Variants in TRPS1 observed in about 807,000 individuals in gnomAD.
The protein encoded by TRPS1 is transcriptional repressor GATA binding 1, also known as zinc finger transcription factor Trps1.
TRPS1 carries 6 observed loss-of-function variants against 101.2 expected under a neutral mutation model. The ratio of observed to expected loss-of-function variants is 0.06; its 90% CI spans 0.03 to 0.12. TRPS1 has a LOEUF of 0.12. Ranked by LOEUF, TRPS1 falls within the 10% of genes least tolerant of loss-of-function variation. The pLI is 1.00. For synonymous variants in TRPS1, 578 were observed against 589.8 expected (o/e 0.98, Z 0.29); for missense variants, 1,363 against 1,567.0 (o/e 0.87, Z 2.20).
At chr8:115,637,297 C>T (rs2130576652) in intron 1 of TRPS1, 1 of 985,250 alleles carries the variant, frequency 1.0e-6, no homozygotes, top group Non-Finnish European at 1.2e-6. Context: ...TGAGGCTGGA[C>T]CACTTGGAGA....
chr8:115,554,348 T>C (rs1816769691), intron 5 of TRPS1, among the ~76,000 whole-genome samples: 1 of 152,126 alleles, frequency 6.6e-6, no homozygotes, highest in African/African-American at 2.4e-5. Flanking sequence ...CAGTCAGACA[T>C]CCAGGCCCTA....
chr8:115,632,494 GCACA>G (rs150875542), intron 1 of TRPS1, among the ~76,000 whole-genome samples: 2 of 150,990 alleles, frequency 1.3e-5, no homozygotes, highest in African/African-American at 2.4e-5. Flanking sequence ...AAACACACGT[GCACA>G]CACACACACA....
chr8:115,508,403 T>C (rs895562082), intron 5 of TRPS1, among the ~76,000 whole-genome samples: 2 of 152,112 alleles, frequency 1.3e-5, no homozygotes, highest in Non-Finnish European at 2.9e-5. Flanking sequence ...CTACATTTCC[T>C]GTCAAATATT....
intron 1 of TRPS1, among the ~76,000 whole-genome samples, chr8:115,665,714 C>A (rs1295510481): frequency 6.6e-6 from 1 of 152,138 alleles, no homozygotes; most frequent in African/African-American, 2.4e-5. Flanking sequence ...TCAGACTTCA[C>A]AGCTATTATG....
At chr8:115,454,690 A>G (rs1813970666) in intron 5 of TRPS1, among the ~76,000 whole-genome samples, 1 of 152,174 alleles carries the variant, frequency 6.6e-6, no homozygotes, top group African/African-American at 2.4e-5. Flanking sequence ...AATTCATAGA[A>G]TTATTTTGAA....
intron 5 of TRPS1, among the ~76,000 whole-genome samples, chr8:115,435,816 T>C (rs1813433369): frequency 2.0e-5 from 3 of 152,312 alleles, no homozygotes; most frequent in African/African-American, 7.2e-5. Context: ...AAACGTCTTA[T>C]TACTTTAAAT....
chr8:115,573,968 TGATC>T, intron 5 of TRPS1, among the ~76,000 whole-genome samples: 1 of 152,190 alleles, frequency 6.6e-6, no homozygotes, highest in South Asian at 2.1e-4. Context: ...CAACACAATG[TGATC>T]TGTTCCTCTT....
chr8:115,546,720 T>C (rs1015025924), intron 5 of TRPS1, among the ~76,000 whole-genome samples: 4 of 152,270 alleles, frequency 2.6e-5, no homozygotes, highest in African/African-American at 9.6e-5. Flanking sequence ...AAGTACCTAA[T>C]ATAAGCAGAC....
intron 5 of TRPS1, among the ~76,000 whole-genome samples, chr8:115,575,201 A>G (rs1817289640): frequency 6.6e-6 from 1 of 152,152 alleles, no homozygotes; most frequent in Non-Finnish European, 1.5e-5. Flanking sequence ...AAATAGAAAT[A>G]AATGTCCAAC....
At chr8:115,515,595 TG>T (rs5894266) in intron 5 of TRPS1, among the ~76,000 whole-genome samples, 151,500 of 151,502 alleles carry the variant, frequency 1, 75,749 homozygotes, top group Middle Eastern at 1. Flanking sequence ...AAAAAATTTT[TG>T]GTAATTGTAA....
At chr8:115,597,906 C>A (rs1563632148) in intron 4 of TRPS1, among the ~76,000 whole-genome samples, 1 of 152,076 alleles carries the variant, frequency 6.6e-6, no homozygotes, top group Non-Finnish European at 1.5e-5. Flanking sequence ...ATAACTAAGT[C>A]TATTCTTTTC....
At chr8:115,480,516 G>A (rs927924137) in intron 5 of TRPS1, among the ~76,000 whole-genome samples, 1 of 152,016 alleles carries the variant, frequency 6.6e-6, no homozygotes, top group African/African-American at 2.4e-5. Flanking sequence ...TCTTAGGTAT[G>A]TGGAATTTTT....
Position 115,535,144 on chromosome 8 carries a change from ATATAGCATATG to A in TRPS1, c.2700+51846_2700+51856del, listed in dbSNP as rs1204923735. On this transcript the variant is annotated intron_variant, in intron 5 of 6. Coordinates refer to ENST00000395715, the MANE Select transcript of TRPS1 (RefSeq NM_014112.5). ...TATGTATAGCATATATATAGCATAT[ATATAGCATATG>A]TATAGCATATGTATTGCATATATAG... Among the ~76,000 whole-genome samples, 11 of 27,698 alleles carry A rather than the reference ATATAGCATATG, an allele frequency of 4.0e-4. 1 individual carries two copies. Among genetic ancestry groups the A allele is most frequent in the South Asian group, 1.2e-3 (1 of 848 alleles). The allele number at this position is 27,698 out of a possible 152,430, so 18.2% of individuals were successfully genotyped here. A position where few individuals can be genotyped will look rare whatever the true frequency, so the allele number is the denominator to read the frequency against.
chr8:115,560,944 T>C (rs16887541), intron 5 of TRPS1, among the ~76,000 whole-genome samples: 7,708 of 152,184 alleles, frequency 0.051, 709 homozygotes, highest in African/African-American at 0.18. Context: ...ATTTTAACGT[T>C]AACATTCTCC....
chr8:115,499,915 A>ATTTCTTTCTTTCTTTCTTTC (rs373053040), intron 5 of TRPS1, among the ~76,000 whole-genome samples: 26 of 134,878 alleles, frequency 1.9e-4, no homozygotes, highest in African/African-American at 3.9e-4. Flanking sequence ...AAAGTGCTAA[A>ATTTCTTTCTTTCTTTCTTTC]TTTCTTTCTT....
chr8:115,638,121 T>C (rs1818811743), intron 1 of TRPS1, among the ~76,000 whole-genome samples: 1 of 152,192 alleles, frequency 6.6e-6, no homozygotes, highest in African/African-American at 2.4e-5. Context: ...CCAGGAAGGC[T>C]TCAACACAAC....
intron 5 of TRPS1, among the ~76,000 whole-genome samples, chr8:115,566,550 C>T (rs1315683340): frequency 6.6e-6 from 1 of 151,446 alleles, no homozygotes; most frequent in Non-Finnish European, 1.5e-5. Context: ...TTGTAGCCAG[C>T]TGGTATTCCT....
intron 5 of TRPS1, among the ~76,000 whole-genome samples, chr8:115,466,791 G>A (rs990888351): frequency 1.3e-5 from 2 of 152,058 alleles, no homozygotes; most frequent in South Asian, 4.1e-4. Flanking sequence ...TAAAAATAAA[G>A]CAATAAACTT....
intron 1 of TRPS1, among the ~76,000 whole-genome samples, chr8:115,667,460 C>G (rs1345230050): frequency 6.6e-6 from 1 of 152,202 alleles, no homozygotes; most frequent in Non-Finnish European, 1.5e-5. Context: ...AGGAACCAGA[C>G]AGAAGGCAAA....
Sources: gnomAD v4.1 joint callset for allele counts (sites outside exome capture counted in the v4.1 genomes callset) on GRCh38, gnomAD v4.1.1 for gene constraint, MANE v1.5 for transcripts, NCBI Gene and HGNC (gene_info 2026-07-23, HGNC 2026-07-21) for gene names.